Variants in ZNF536 observed in about 807,000 individuals in gnomAD.
ZNF536 encodes zinc finger protein 536.
In ZNF536, 13 loss-of-function variants were observed where a neutral mutation model predicts 84.5. That is an observed-to-expected ratio of 0.15 (90% confidence interval 0.10 to 0.24). The LOEUF is 0.24. Among genes scored for constraint, ZNF536 ranks in the 10% least tolerant of loss-of-function variants. ZNF536 has a pLI of 1.00. For missense variants in ZNF536, 1,536 were observed against 1,747.5 expected, an observed-to-expected ratio of 0.88 and a Z score of 2.16; for synonymous variants, 811 against 742.5, an observed-to-expected ratio of 1.09 and a Z score of -1.50.
At chr19:30,516,257 C>A (rs1358592071) in intron 2 of ZNF536, among the ~76,000 whole-genome samples, 1 of 152,082 alleles carries the variant, frequency 6.6e-6, no homozygotes, top group Non-Finnish European at 1.5e-5. Flanking sequence ...CAGGAAGGAC[C>A]CAGGTGCCTC....
At chr19:30,438,521 C>A (rs541153600) in intron 1 of ZNF536, among the ~76,000 whole-genome samples, 1 of 152,084 alleles carries the variant, frequency 6.6e-6, no homozygotes, top group Non-Finnish European at 1.5e-5. Context: ...TGGGGGTGGG[C>A]TGTGGCAGGA....
chr19:30,704,823 G>T (rs1441950738), intron 1 of ZNF536, among the ~76,000 whole-genome samples: 2 of 152,000 alleles, frequency 1.3e-5, no homozygotes, highest in African/African-American at 4.8e-5. Flanking sequence ...ATGTCTCGCG[G>T]TGTTGTTCCA....
intron 1 of ZNF536, among the ~76,000 whole-genome samples, chr19:30,703,733 G>A (rs4805601): frequency 0.36 from 54,720 of 152,048 alleles, 10,244 homozygotes; most frequent in East Asian, 0.57. Flanking sequence ...CAGGATGACA[G>A]CAGCAGCCGT....
downstream of ZNF536, among the ~76,000 whole-genome samples, chr19:30,560,579 A>G (rs1441575844): frequency 2.0e-5 from 3 of 152,072 alleles, no homozygotes; most frequent in Non-Finnish European, 4.4e-5. Context: ...TGGATAAGAG[A>G]CCACCCCCCC....
At chr19:30,309,235 A>G (rs1425206128) in intron 2 of ZNF536, among the ~76,000 whole-genome samples, 1 of 152,244 alleles carries the variant, frequency 6.6e-6, no homozygotes, top group African/African-American at 2.4e-5. Context: ...ATGGTCTCTG[A>G]TAACACATTT....
chr19:30,646,991 A>AC (rs1279634141), intron 1 of ZNF536, among the ~76,000 whole-genome samples: 1 of 151,776 alleles, frequency 6.6e-6, no homozygotes, highest in African/African-American at 2.4e-5. Context: ...TTCATTCTCC[A>AC]CCCCCCACCA....
intron 2 of ZNF536, among the ~76,000 whole-genome samples, chr19:30,350,559 G>A (rs986406582): frequency 2.6e-5 from 4 of 152,296 alleles, no homozygotes; most frequent in African/African-American, 9.6e-5. Flanking sequence ...AGATTTATCT[G>A]CTTCTTTTTT....
At chr19:30,710,690 C>T (rs547801933) in intron 1 of ZNF536, 1 of 152,302 alleles carries the variant, frequency 6.6e-6, no homozygotes, top group East Asian at 1.9e-4. Flanking sequence ...CAATTATGAT[C>T]CTTTGAGCCC....
At chr19:30,338,549 G>C (rs1163789257) in intron 2 of ZNF536, among the ~76,000 whole-genome samples, 1 of 152,164 alleles carries the variant, frequency 6.6e-6, no homozygotes, top group Non-Finnish European at 1.5e-5. Flanking sequence ...GATAGACCTT[G>C]TGGTATAGTG....
At chr19:30,645,688 C>T (rs905953541) in intron 1 of ZNF536, among the ~76,000 whole-genome samples, 1 of 152,134 alleles carries the variant, frequency 6.6e-6, no homozygotes, top group African/African-American at 2.4e-5. Flanking sequence ...ATATCTTCTC[C>T]ACAGGCTTGT....
chr19:30,476,032 C>T (rs904236001), intron 2 of ZNF536, among the ~76,000 whole-genome samples: 9 of 152,196 alleles, frequency 5.9e-5, no homozygotes, highest in African/African-American at 9.7e-5. Flanking sequence ...TGTCTCTCCC[C>T]GGGTCATTAC....
At chr19:30,538,126 G>A (rs773471130) in intron 3 of ZNF536, among the ~76,000 whole-genome samples, 3 of 152,150 alleles carry the variant, frequency 2.0e-5, no homozygotes, top group Non-Finnish European at 4.4e-5. Context: ...ACTCAAGTTG[G>A]TGAGAGGCCC....
chr19:30,567,299 C>T (rs1040489706), intron 1 of ZNF536, among the ~76,000 whole-genome samples: 1 of 152,166 alleles, frequency 6.6e-6, no homozygotes, highest in Non-Finnish European at 1.5e-5. Context: ...TCTTGGAGCG[C>T]GTGGGCGGGG....
At chr19:30,378,127 C>T (rs1049923891) in intron 1 of ZNF536, among the ~76,000 whole-genome samples, 5 of 152,146 alleles carry the variant, frequency 3.3e-5, no homozygotes, top group East Asian at 1.9e-4. Context: ...GCTTCTTAGT[C>T]GCCCCAGCCT....
intron 1 of ZNF536, among the ~76,000 whole-genome samples, chr19:30,661,962 T>G (rs1156314483): frequency 6.6e-6 from 1 of 152,252 alleles, no homozygotes; most frequent in Non-Finnish European, 1.5e-5. Context: ...CTTTGTGCTT[T>G]TCGTTATTTT....
chr19:30,480,476 C>T (rs1347221051), intron 2 of ZNF536, among the ~76,000 whole-genome samples: 2 of 152,054 alleles, frequency 1.3e-5, no homozygotes, highest in Admixed American at 1.3e-4. Flanking sequence ...GATGTTCTCA[C>T]TCATAAGTGG....
At chr19:30,614,825 T>C (rs1233018613) in intron 1 of ZNF536, among the ~76,000 whole-genome samples, 1 of 151,426 alleles carries the variant, frequency 6.6e-6, no homozygotes, top group Non-Finnish European at 1.5e-5. Context: ...TTTTTTATCA[T>C]AGTGAGGTTT....
intron 2 of ZNF536, among the ~76,000 whole-genome samples, chr19:30,286,302 C>T (rs190493710): frequency 1.6e-4 from 24 of 152,192 alleles, no homozygotes; most frequent in Middle Eastern, 3.4e-3. Context: ...TCTATCTCGG[C>T]GCCTTTGTGT....
At chr19:30,478,674 GCT>G (rs1568470248) in intron 2 of ZNF536, among the ~76,000 whole-genome samples, 1 of 152,150 alleles carries the variant, frequency 6.6e-6, no homozygotes, top group Non-Finnish European at 1.5e-5. Flanking sequence ...CTCAGTAAAT[GCT>G]CTCTCTCTTT....
Sources: allele counts gnomAD v4.1 joint callset (sites outside exome capture counted in the v4.1 genomes callset), GRCh38; gene constraint gnomAD v4.1.1; transcripts MANE v1.5; gene names NCBI Gene and HGNC (gene_info 2026-07-23, HGNC 2026-07-21).